ULK4: variants seen among roughly 807,000 people sequenced by gnomAD.
ULK4 encodes unc-51 like kinase 4, also known as inactive serine/threonine-protein kinase ULK4.
ULK4 carries 133 observed loss-of-function variants against 160.6 expected under a neutral mutation model. That is an observed-to-expected ratio of 0.83 (90% CI 0.72 to 0.96). ULK4 has a LOEUF of 0.96. ULK4 is among the 40% of genes least tolerant of loss of function. The pLI is 0.00. For missense variants in ULK4, 1,580 were observed against 1,499.5 expected (o/e 1.05, Z -0.89); for synonymous variants, 534 against 539.8 (o/e 0.99, Z 0.15).
chr3:41,825,639 C>T (rs2041319484), intron 18 of ULK4, among the ~76,000 whole-genome samples: 1 of 152,154 alleles, frequency 6.6e-6, no homozygotes, highest in African/African-American at 2.4e-5. Context: ...AAAAAAGCCT[C>T]CAAGAAATAC....
chr3:41,412,542 A>T (rs1316936821), intron 34 of ULK4, among the ~76,000 whole-genome samples: 1 of 131,382 alleles, frequency 7.6e-6, no homozygotes, highest in Non-Finnish European at 1.7e-5. Flanking sequence ...GGTCAATGGC[A>T]ATGCAGTTGA....
chr3:41,558,140 T>A (rs1004560867), intron 32 of ULK4, among the ~76,000 whole-genome samples: 1 of 152,186 alleles, frequency 6.6e-6, no homozygotes, highest in Non-Finnish European at 1.5e-5. Flanking sequence ...CCTGCTCCTG[T>A]GTGAAAGGAT....
chr3:41,684,655 T>G (rs1353056700), intron 27 of ULK4, among the ~76,000 whole-genome samples: 1 of 152,226 alleles, frequency 6.6e-6, no homozygotes, highest in Non-Finnish European at 1.5e-5. Flanking sequence ...CATCTTTTGC[T>G]ATCTTAAATC....
At chr3:41,429,573 G>C (rs2082856399) in intron 34 of ULK4, among the ~76,000 whole-genome samples, 1 of 152,196 alleles carries the variant, frequency 6.6e-6, no homozygotes. Flanking sequence ...AAAGGAATGA[G>C]ATCATGTCCT....
chr3:41,912,705 G>T, intron 9 of ULK4, 102 bp downstream of exon 9: 1 of 1,020,554 alleles, frequency 9.8e-7, no homozygotes, highest in Non-Finnish European at 1.4e-6. Flanking sequence ...CTCCTACTAC[G>T]AAAGCAGAGA....
chr3:41,913,555 A>G (rs1385976367), intron 8 of ULK4, among the ~76,000 whole-genome samples: 2 of 152,200 alleles, frequency 1.3e-5, no homozygotes, highest in Non-Finnish European at 2.9e-5. Context: ...AATATATCAG[A>G]TATCTATAAT....
At chr3:41,722,219 A>AG (rs2037496283) in intron 22 of ULK4, among the ~76,000 whole-genome samples, 1 of 151,988 alleles carries the variant, frequency 6.6e-6, no homozygotes, top group African/African-American at 2.4e-5. Context: ...TTAAGAGAAA[A>AG]TCCCTAGAGA....
rs190430444 is a variant in ULK4, at chr3:41,460,331, T to C, written c.3393+2756A>G. 1.1e-4 allele frequency among the ~76,000 whole-genome samples: 16 copies of C among 152,260 alleles called. No homozygotes were observed. The East Asian group carries it at 2.9e-3, about 28-fold the overall frequency. ...GAATTAGAATAATAAATATTTGTCTTCCCTAGAAAAGCCCTCCCTAATCTC... is the reference window on the plus strand; with the variant it reads ...GAATTAGAATAATAAATATTTGTCTCCCCTAGAAAAGCCCTCCCTAATCTC... On this transcript the variant is annotated intron_variant, in intron 33 of 36. Transcript: ENST00000301831.
intron 34 of ULK4, among the ~76,000 whole-genome samples, chr3:41,415,192 G>A (rs928827065): frequency 6.6e-6 from 1 of 152,162 alleles, no homozygotes; most frequent in African/African-American, 2.4e-5. Context: ...TACTGAAGCA[G>A]CAAGGTTTCG....
chr3:41,661,009 T>G (rs2035133820), intron 30 of ULK4, among the ~76,000 whole-genome samples: 1 of 152,184 alleles, frequency 6.6e-6, no homozygotes, highest in East Asian at 1.9e-4. Flanking sequence ...TGTATAAATT[T>G]TATACAATTT....
At position 41,408,749 on chromosome 3, in the gene ULK4, G is replaced by A. The variant is rs2082348033; in HGVS notation, c.3493-10485C>T. ...ACAGTAATCCAACAAATGTGGTACTGGCATAAGATAGATCTAGAGACCAAT... is the reference window on the plus strand; with the variant it reads ...ACAGTAATCCAACAAATGTGGTACTAGCATAAGATAGATCTAGAGACCAAT... On this transcript the variant is annotated intron_variant, in intron 34 of 36. Coordinates refer to ENST00000301831, the MANE Select transcript of ULK4 (RefSeq NM_017886.4). Among the ~76,000 whole-genome samples the A allele has an allele frequency of 3.9e-5, 6 of 152,174 alleles. No individual in the cohort carries two copies. In the South Asian group the frequency reaches 1.2e-3, roughly 32 times the overall value.
chr3:41,270,944 A>G (rs916822594), intron 35 of ULK4, among the ~76,000 whole-genome samples: 3 of 152,220 alleles, frequency 2.0e-5, no homozygotes, highest in African/African-American at 7.2e-5. Flanking sequence ...TATACTATTT[A>G]TATTGACATT....
intron 18 of ULK4, among the ~76,000 whole-genome samples, chr3:41,822,638 C>G (rs1257759129): frequency 6.6e-6 from 1 of 150,452 alleles, no homozygotes; most frequent in East Asian, 2.0e-4. Flanking sequence ...AGGCTCGTCT[C>G]AAACTCCTGA....
At position 41,555,720 on chromosome 3, in the gene ULK4, T is replaced by A. The variant is rs535803132; in HGVS notation, c.3226+10305A>T. 3.9e-5 allele frequency among the ~76,000 whole-genome samples: 6 copies of A among 152,324 alleles called. No homozygotes were observed. In the South Asian group the frequency reaches 1.2e-3, roughly 32 times the overall value. ...TTCTATTATAAAGACACATGCACAC[T>A]ATGTTTACTGCAGCACTATTCACAA... On this transcript the variant is annotated intron_variant, in intron 32 of 36. Coordinates refer to ENST00000301831, the MANE Select transcript of ULK4 (RefSeq NM_017886.4).
intron 21 of ULK4, among the ~76,000 whole-genome samples, chr3:41,767,143 A>G (rs774231942): frequency 6.6e-6 from 1 of 152,230 alleles, no homozygotes; most frequent in Non-Finnish European, 1.5e-5. Flanking sequence ...TATTTTGTTT[A>G]GTGAATGATT....
At chr3:41,698,256 A>G (rs929599507) in intron 27 of ULK4, among the ~76,000 whole-genome samples, 1 of 152,202 alleles carries the variant, frequency 6.6e-6, no homozygotes, top group Non-Finnish European at 1.5e-5. Flanking sequence ...TCCTAATCCA[A>G]AAATCTAAAA....
Position 41,800,405 on chromosome 3 carries a change from T to C in ULK4, c.1849-112A>G, listed in dbSNP as rs1026393914. On this transcript the variant is annotated intron_variant, in intron 19 of 36. Coordinates refer to ENST00000301831, the MANE Select transcript of ULK4 (RefSeq NM_017886.4). Reference sequence around the variant, plus strand: ...ACCAAGACAGTAACATGCCTCTGGATGTGTTAGGCAACTTGGGAGGAATGA... The same window carrying C: ...ACCAAGACAGTAACATGCCTCTGGACGTGTTAGGCAACTTGGGAGGAATGA... 5 of 999,922 alleles carry C rather than the reference T, an allele frequency of 5.0e-6. 1 individual carries two copies. The highest frequency in any genetic ancestry group is 5.3e-5 in the Admixed American group (2 of 37,974). The allele number at this position is 999,922 out of a possible 1,614,324, so 61.9% of individuals were successfully genotyped here. A position where few individuals can be genotyped will look rare whatever the true frequency, so the allele number is the denominator to read the frequency against.
chr3:41,641,483 G>A (rs905625445), intron 30 of ULK4, among the ~76,000 whole-genome samples: 4 of 152,162 alleles, frequency 2.6e-5, no homozygotes, highest in African/African-American at 9.7e-5. Context: ...GATCACTTGA[G>A]CCCAGGAGTT....
chr3:41,481,844 AAAAG>A (rs2125897541), intron 32 of ULK4, among the ~76,000 whole-genome samples: 1 of 151,670 alleles, frequency 6.6e-6, no homozygotes, highest in African/African-American at 2.4e-5. Context: ...AAAAAAAAAA[AAAAG>A]AACAAAAGCA....
Sources: gnomAD v4.1 joint callset for allele counts (sites outside exome capture counted in the v4.1 genomes callset) on GRCh38, gnomAD v4.1.1 for gene constraint, MANE v1.5 for transcripts, NCBI Gene and HGNC (gene_info 2026-07-23, HGNC 2026-07-21) for gene names.